The following CFAP20DC variants were observed in gnomAD, a reference collection of about 807,000 sequenced individuals.
CFAP20DC encodes the protein protein CFAP20DC.
Under a neutral mutation model 101.7 loss-of-function variants are expected in CFAP20DC, and 84 were observed. The observed-to-expected ratio is 0.83, with a 90% CI of 0.69 to 0.99. CFAP20DC has a LOEUF of 0.99. Ranked by LOEUF, CFAP20DC falls within the 50% of genes least tolerant of loss-of-function variation. CFAP20DC has a pLI of 0.00. For synonymous variants in CFAP20DC, 359 were observed against 351.2 expected (o/e 1.02, Z -0.25); for missense variants, 1,007 against 970.3 (o/e 1.04, Z -0.50).
intron 10 of CFAP20DC, 128 bp downstream of exon 10, chr3:58,867,689 T>C (rs1160987892): frequency 8.6e-7 from 1 of 1,162,768 alleles, no homozygotes; most frequent in Non-Finnish European, 1.2e-6. Flanking sequence ...TCCATAATCC[T>C]TGTAGAACAG....
In CFAP20DC at chr3:58,912,800, C is replaced by T; in HGVS notation, c.550+908G>A. ...CAATTAATGTAAATATTTCTAGTCT[C>T]TCTAGAAATATGAGGAAGAACTCAA... On this transcript the variant is annotated intron_variant, in intron 6 of 16. Coordinates refer to ENST00000482387, the MANE Select transcript of CFAP20DC (RefSeq NM_001394063.1). This position sits in a 1 kb window ranked among gnomAD's most constrained non-coding sequence, Gnocchi z 4.4. 1 of 442,758 alleles carries T rather than the reference C, an allele frequency of 2.3e-6. No individual in the cohort carries two copies. The highest frequency in any genetic ancestry group is 4.5e-6 in the Non-Finnish European group (1 of 223,256). 27.4% of individuals were successfully genotyped at this position (442,758 alleles called of 1,614,324 possible).
At chr3:58,876,600 G>C (rs1389706499) in intron 7 of CFAP20DC, among the ~76,000 whole-genome samples, 5 of 152,066 alleles carry the variant, frequency 3.3e-5, no homozygotes, top group Admixed American at 6.6e-5. Flanking sequence ...ATTTTACTGA[G>C]GGGTACATGC....
intron 13 of CFAP20DC, among the ~76,000 whole-genome samples, chr3:58,835,599 A>T (rs983063871): frequency 1.3e-5 from 2 of 152,208 alleles, no homozygotes; most frequent in Admixed American, 1.3e-4. Flanking sequence ...ACTTTATTTC[A>T]TACAACAGTA....
rs9863710 is a variant in CFAP20DC, at chr3:59,036,997, T to C, written c.278+2560A>G. On this transcript the variant is annotated intron_variant, in intron 4 of 16. Transcript: ENST00000482387. Reference sequence around the variant, plus strand: ...ATGCTACACATCCACAACCAGTTGATTTTTGACAAACCTGACAAAAACAAG... The same window carrying C: ...ATGCTACACATCCACAACCAGTTGACTTTTGACAAACCTGACAAAAACAAG... 9.8e-3 allele frequency among the ~76,000 whole-genome samples: 1,496 copies of C among 152,278 alleles called. 27 individuals carry two copies. Among genetic ancestry groups the C allele is most frequent in the African/African-American group, 0.034 (1,404 of 41,542 alleles).
chr3:58,984,027 TATAATG>T (rs1404328715), intron 4 of CFAP20DC, among the ~76,000 whole-genome samples: 1 of 152,216 alleles, frequency 6.6e-6, no homozygotes, highest in Non-Finnish European at 1.5e-5. Context: ...TTCTGAACTT[TATAATG>T]ATATCTCACC....
chr3:58,800,549 A>G (rs1264043505), intron 15 of CFAP20DC, among the ~76,000 whole-genome samples: 1 of 152,220 alleles, frequency 6.6e-6, no homozygotes, highest in African/African-American at 2.4e-5. Flanking sequence ...TTTAGGCATG[A>G]TGGCAGCTAC....
intron 14 of CFAP20DC, among the ~76,000 whole-genome samples, chr3:58,822,698 C>T (rs1032708801): frequency 1.3e-5 from 2 of 152,032 alleles, no homozygotes; most frequent in South Asian, 2.1e-4. Flanking sequence ...ATAAAAACTG[C>T]TGACACGAAC....
intron 3 of CFAP20DC, among the ~76,000 whole-genome samples, chr3:58,718,883 T>C (rs1263510872): frequency 6.6e-6 from 1 of 152,130 alleles, no homozygotes; most frequent in East Asian, 1.9e-4. Flanking sequence ...GGCTAGAACA[T>C]GAAGTTCTGA....
intron 3 of CFAP20DC, chr3:58,727,496 G>C (rs1169541367): frequency 6.6e-6 from 1 of 152,274 alleles, no homozygotes; most frequent in Non-Finnish European, 1.5e-5. Context: ...GAGTGCAGTG[G>C]CGCAATCTCG....
chr3:58,733,288 C>A (rs532463336), intron 3 of CFAP20DC, among the ~76,000 whole-genome samples: 1 of 152,044 alleles, frequency 6.6e-6, no homozygotes, highest in Non-Finnish European at 1.5e-5. Context: ...GCCAAGATTG[C>A]GCCACTGCAC....
At position 59,011,710 on chromosome 3, in the gene CFAP20DC, A is replaced by C. The variant is rs566477239; in HGVS notation, c.278+27847T>G. ...ACCATTAATGAGATTAACCAAGAAA[A>C]GAAGAGAGAAGATCCAAATAAGCTC... On this transcript the variant is annotated intron_variant, in intron 4 of 16. Transcript: ENST00000482387. Among the ~76,000 whole-genome samples, 9 of 152,320 alleles carry C rather than the reference A, an allele frequency of 5.9e-5. No homozygotes were observed. In the South Asian group the frequency reaches 1.9e-3, roughly 32 times the overall value.
At chr3:58,792,911 G>T (rs1214299696) in intron 15 of CFAP20DC, among the ~76,000 whole-genome samples, 1 of 152,022 alleles carries the variant, frequency 6.6e-6, no homozygotes, top group African/African-American at 2.4e-5. Flanking sequence ...TAATTAAAAT[G>T]TATATTACAA....
chr3:58,779,086 G>A (rs2071599119), intron 15 of CFAP20DC, among the ~76,000 whole-genome samples: 1 of 152,078 alleles, frequency 6.6e-6, no homozygotes. Context: ...CAACTCCATA[G>A]GAACAGGATA....
At chr3:58,866,768 G>T in intron 10 of CFAP20DC, 80 bp from the exon 11 acceptor site, 6 of 922,276 alleles carry the variant, frequency 6.5e-6, no homozygotes, top group East Asian at 2.7e-5. Flanking sequence ...GGTTTACTTT[G>T]GTATACTTTA....
At chr3:58,941,853 G>T (rs1052058207) in intron 4 of CFAP20DC, among the ~76,000 whole-genome samples, 1 of 152,188 alleles carries the variant, frequency 6.6e-6, no homozygotes, top group African/African-American at 2.4e-5. Flanking sequence ...ACTGTGCCCG[G>T]CCCTTTCATT....
intron 14 of CFAP20DC, among the ~76,000 whole-genome samples, chr3:58,822,518 C>G (rs563810134): frequency 6.6e-6 from 1 of 150,872 alleles, no homozygotes; most frequent in South Asian, 2.1e-4. Flanking sequence ...AGTGCACCAG[C>G]ATGGCACATG....
At chr3:58,765,091 G>T (rs2070144237) in intron 15 of CFAP20DC, among the ~76,000 whole-genome samples, 1 of 152,154 alleles carries the variant, frequency 6.6e-6, no homozygotes, top group Admixed American at 6.5e-5. Flanking sequence ...CTAGACAGTG[G>T]ACATTACCTG....
intron 15 of CFAP20DC, among the ~76,000 whole-genome samples, chr3:58,776,096 A>C (rs1380313345): frequency 6.6e-6 from 1 of 152,022 alleles, no homozygotes; most frequent in Non-Finnish European, 1.5e-5. Context: ...AACTCATTTC[A>C]TGTGGTTTGA....
At chr3:58,765,502 A>C (rs567929895) in intron 15 of CFAP20DC, among the ~76,000 whole-genome samples, 27 of 151,216 alleles carry the variant, frequency 1.8e-4, no homozygotes, top group East Asian at 9.7e-4. Context: ...AAAAAAAAAA[A>C]AAAAACAAAC....
Sources: gnomAD v4.1 joint callset for allele counts (sites outside exome capture counted in the v4.1 genomes callset) on GRCh38, gnomAD v4.1.1 for gene constraint, Gnocchi (gnomAD v3.1) non-coding constraint, MANE v1.5 for transcripts, NCBI Gene and HGNC (gene_info 2026-07-23, HGNC 2026-07-21) for gene names.